The following FLNC variants were observed in gnomAD, a reference collection of about 807,000 sequenced individuals.
The protein encoded by FLNC is filamin C.
A neutral mutation model predicts 254.3 loss-of-function variants in FLNC; 91 were observed. The observed-to-expected ratio is 0.36, with a 90% CI of 0.30 to 0.43. The LOEUF (loss-of-function observed/expected upper bound fraction) is 0.43. FLNC is among the 20% of genes least tolerant of loss of function. The pLI is 1.00. For missense variants in FLNC, 2,853 were observed against 3,802.6 expected, an observed-to-expected ratio of 0.75 and a Z score of 6.57; for synonymous variants, 1,430 against 1,577.2, an observed-to-expected ratio of 0.91 and a Z score of 2.21.
chr7:128,854,341 A>G, intron 40 of FLNC, 72 bp from the exon 41 acceptor site: 1 of 1,596,596 alleles, frequency 6.3e-7, no homozygotes. Context: ...AGGAGGTTTA[A>G]CTGATGGGGG....
At chr7:128,831,521 T>G (rs1389233573) in intron 1 of FLNC, among the ~76,000 whole-genome samples, 1 of 152,112 alleles carries the variant, frequency 6.6e-6, no homozygotes, top group Non-Finnish European at 1.5e-5. Flanking sequence ...TCTTCGTGCA[T>G]GTGCTCAGCA....
In FLNC at chr7:128,852,896, A is replaced by C. The variant is rs1479621913; in HGVS notation, c.6073A>C (p.Thr2025Pro). ...CGTGCGCAAGAGTGGCAAGCATGTCACCAACAGCCCCTTCAAGATCCTGGT... is the reference window on the plus strand; with the variant it reads ...CGTGCGCAAGAGTGGCAAGCATGTCCCCAACAGCCCCTTCAAGATCCTGGT... ...VSVRKSGKHV[T>P]NSPFKILVGP... Residue 2025 changes from threonine (T) to proline (P), a missense_variant, in exon 37 of 48, where the codon ACC becomes CCC. Physicochemically the swap from Thr to Pro is conservative, Grantham distance 38. Around this residue, in one of 10 missense-constraint regions of FLNC, gnomAD observed 551 missense variants for 835.0 expected, o/e 0.66. Transcript: ENST00000325888. 2.5e-6 allele frequency: 4 copies of C among 1,613,686 alleles called. No homozygotes were observed. The highest frequency in any genetic ancestry group is 3.4e-6 in the Non-Finnish European group (4 of 1,180,008).
In FLNC at chr7:128,850,503, A is replaced by T. The variant is rs1306828959; in HGVS notation, c.5398+20A>T. On this transcript the variant is annotated intron_variant, in intron 32 of 47. Coordinates refer to ENST00000325888, the MANE Select transcript of FLNC (RefSeq NM_001458.5). ...TCACAGGTACTGCCCTGTGGCTCCC[A>T]GGCATGAGGGCTGAGGGGAGAAACC... 4.4e-6 allele frequency: 7 copies of T among 1,584,018 alleles called. No homozygotes were observed. Among genetic ancestry groups the T allele is most frequent in the Non-Finnish European group, 6.1e-6 (7 of 1,153,660 alleles).
At chr7:128,851,033 T>C (rs1808786704) in intron 33 of FLNC, 90 bp downstream of exon 33, 1 of 1,561,132 alleles carries the variant, frequency 6.4e-7, no homozygotes, top group South Asian at 1.1e-5. Context: ...CAAATATTTA[T>C]TGAGCACCCG....
At chr7:128,849,023 G>C (rs760354214) in intron 28 of FLNC, 41 bp downstream of exon 28, 1 of 1,600,486 alleles carries the variant, frequency 6.2e-7, no homozygotes, top group South Asian at 1.1e-5. Flanking sequence ...TCACCACCCA[G>C]CCCCTCAAAG....
At chr7:128,853,419 G>A in intron 37 of FLNC, 50 bp from the exon 38 acceptor site, 1 of 1,608,650 alleles carries the variant, frequency 6.2e-7, no homozygotes. Context: ...AAAGCATTGT[G>A]GCTTGGCCAG....
At position 128,841,594 on chromosome 7, in the gene FLNC, C is replaced by A; in HGVS notation, c.2121+27C>A. 1 of 1,555,424 alleles carries A rather than the reference C, an allele frequency of 6.4e-7. No individual in the cohort carries two copies. ...TAGGTCATTGTCCAGTCTCTGCTGC[C>A]CTTACTACCCATGGCAGGGACCCTG... is the stretch of plus-strand genomic sequence containing the variant. On this transcript the variant is annotated intron_variant, in intron 13 of 47. Transcript: ENST00000325888. This position sits in a 1 kb window ranked among gnomAD's most constrained non-coding sequence, Gnocchi z 4.3.
At position 128,851,226 on chromosome 7, in the gene FLNC, C is replaced by A. The variant is rs201335006; in HGVS notation, c.5540-6C>A. 8.1e-6 allele frequency: 13 copies of A among 1,613,978 alleles called. No individual in the cohort carries two copies. In the African/African-American group the frequency reaches 1.5e-4, roughly 18 times the overall value. ...GACCCAGCCCCCTTTTTCTCTGTAT[C>A]CCCAGGGAGCCCCTTACAGTTCTAT... is the stretch of plus-strand genomic sequence containing the variant. On this transcript the variant is annotated splice_polypyrimidine_tract_variant and splice_region_variant and intron_variant, in intron 33 of 47. Coordinates refer to ENST00000325888, the MANE Select transcript of FLNC (RefSeq NM_001458.5).
rs766592492 is a variant in FLNC, at chr7:128,841,530, G to C, written c.2084G>C (p.Arg695Pro). 5.0e-6 allele frequency: 8 copies of C among 1,614,020 alleles called. No homozygotes were observed. The highest frequency in any genetic ancestry group is 2.7e-5 in the African/African-American group (2 of 74,938). Residue 695 changes from arginine to proline, a missense_variant, in exon 13 of 48, where the codon CGT becomes CCT. This residue lies in a region of FLNC where 1,573 missense variants were observed against 1,883.5 expected (regional missense o/e 0.84). Coordinates refer to ENST00000325888, the MANE Select transcript of FLNC (RefSeq NM_001458.5). The surrounding 1 kb of genome is among the most constrained non-coding windows in gnomAD (Gnocchi z 4.3). ...CCCGCTGAGTTCACCATTGATGCTC[G>C]TGCAGCTGGCAAGGGAGACCTGAAG... is the stretch of plus-strand genomic sequence containing the variant. ...DKPAEFTIDA[R>P]AAGKGDLKLY...
intron 21 of FLNC, 59 bp downstream of exon 21, chr7:128,845,314 C>T (rs752143541): frequency 5.9e-5 from 82 of 1,392,960 alleles, no homozygotes; most frequent in Admixed American, 7.1e-5. Context: ...CTGGGTAGTC[C>T]GTGGGAGGGA....
chr7:128,835,100 C>T lies in FLNC; in HGVS notation c.353-226C>T, dbSNP rs1400775857. Among the ~76,000 whole-genome samples, 4 of 152,180 alleles carry T rather than the reference C, an allele frequency of 2.6e-5. No homozygotes were observed. The highest frequency in any genetic ancestry group is 4.4e-5 in the Non-Finnish European group (3 of 68,030). ...CTTGCTGTAGCTGAGGTGAGGGTAC[C>T]TTCCAGAACCACAGGAACACAGAGA... On this transcript the variant is annotated intron_variant, in intron 1 of 47. Coordinates refer to ENST00000325888, the MANE Select transcript of FLNC (RefSeq NM_001458.5). The surrounding 1 kb of genome is among the most constrained non-coding windows in gnomAD (Gnocchi z 5.3).
In FLNC at chr7:128,832,483, C is replaced by G. The variant is rs184764690; in HGVS notation, c.352+1494C>G. The stretch of plus-strand genomic sequence containing the variant: ...GGTCTGGGGGAAGAGCCGGAGGCTT[C>G]GGCAAGACATATAGGAAACCGCTCA... On this transcript the variant is annotated intron_variant, in intron 1 of 47. Coordinates refer to ENST00000325888, the MANE Select transcript of FLNC (RefSeq NM_001458.5). Among the ~76,000 whole-genome samples the G allele has an allele frequency of 2.0e-3, 306 of 152,312 alleles. 12 individuals are homozygous for G. The South Asian group carries it at 0.056, about 28-fold the overall frequency.
At position 128,841,126 on chromosome 7, in the gene FLNC, C is replaced by G. The variant is rs747604007; in HGVS notation, c.1814-44C>G. The G allele has an allele frequency of 3.9e-5, 62 of 1,605,524 alleles. No individual in the cohort carries two copies. The South Asian group carries it at 6.9e-4, about 18-fold the overall frequency. ...GAGGGGAGCTGGGGGACGGAAGGGT[C>G]TTGCCTGATGCTGGATCCCCGACCC... is the stretch of plus-strand genomic sequence containing the variant. On this transcript the variant is annotated intron_variant, in intron 11 of 47. Transcript: ENST00000325888. This position sits in a 1 kb window ranked among gnomAD's most constrained non-coding sequence, Gnocchi z 4.3.
At chr7:128,837,870 C>T in intron 5 of FLNC, 115 bp downstream of exon 5, 1 of 1,362,798 alleles carries the variant, frequency 7.3e-7, no homozygotes, top group Non-Finnish European at 1.0e-6. Flanking sequence ...CTGTGCTGTG[C>T]AGTCTGGGGA....
chr7:128,857,353 G>A lies in FLNC; in HGVS notation c.7780+17G>A, dbSNP rs749729801. On this transcript the variant is annotated intron_variant, in intron 46 of 47. Coordinates refer to ENST00000325888, the MANE Select transcript of FLNC (RefSeq NM_001458.5). The surrounding 1 kb of genome is among the most constrained non-coding windows in gnomAD (Gnocchi z 4.5). ...AGGTCACTGGTGAGTGCCAGTTTGGGGGAGGTCCACCCAGCCTGCAGCCCA... is the reference window on the plus strand; with the variant it reads ...AGGTCACTGGTGAGTGCCAGTTTGGAGGAGGTCCACCCAGCCTGCAGCCCA... The A allele has an allele frequency of 6.2e-7, 1 of 1,600,120 alleles. No individual in the cohort carries two copies.
At chr7:128,850,230 G>A in intron 31 of FLNC, 154 bp from the exon 32 acceptor site, 4 of 914,596 alleles carry the variant, frequency 4.4e-6, no homozygotes, top group Non-Finnish European at 7.1e-6. Context: ...CTTGGGCACA[G>A]CACTCCTTCT....
intron 32 of FLNC, 82 bp downstream of exon 32, chr7:128,850,565 A>G: frequency 7.5e-7 from 1 of 1,329,850 alleles, no homozygotes; most frequent in Non-Finnish European, 1.1e-6. Context: ...AATGATGAAA[A>G]CAAAGGCCCA....
intron 1 of FLNC, among the ~76,000 whole-genome samples, chr7:128,833,625 C>G (rs985071551): frequency 3.4e-4 from 52 of 152,300 alleles, no homozygotes; most frequent in Middle Eastern, 3.4e-3. Flanking sequence ...CACCGCCCCC[C>G]CCAACCCCTG....
chr7:128,842,151 G>A lies in FLNC; in HGVS notation c.2122-80G>A, dbSNP rs1808358158. On this transcript the variant is annotated intron_variant, in intron 13 of 47. Coordinates refer to ENST00000325888, the MANE Select transcript of FLNC (RefSeq NM_001458.5). The surrounding 1 kb of genome is among the most constrained non-coding windows in gnomAD (Gnocchi z 5.4). ...TGCCAGTGTTGGGGGTGGGAAAGGA[G>A]GCGCTGGGTTCACCTGCGGCCAGCA... The A allele has an allele frequency of 2.1e-6, 3 of 1,457,466 alleles. No individual in the cohort carries two copies. Among genetic ancestry groups the A allele is most frequent in the Non-Finnish European group, 2.8e-6 (3 of 1,058,622 alleles). 90.3% of individuals were successfully genotyped at this position (1,457,466 alleles called of 1,614,324 possible).
Sources: gnomAD v4.1 joint callset for allele counts (sites outside exome capture counted in the v4.1 genomes callset) on GRCh38, gnomAD v4.1.1 for gene constraint, gnomAD v4.1.1 regional missense constraint, Gnocchi (gnomAD v3.1) non-coding constraint, MANE v1.5 for transcripts, NCBI Gene and HGNC (gene_info 2026-07-23, HGNC 2026-07-21) for gene names.